Variants in KDM4C observed in about 807,000 individuals in gnomAD.
KDM4C encodes the protein lysine-specific demethylase 4C.
A neutral mutation model predicts 129.3 loss-of-function variants in KDM4C; 81 were observed. The ratio of observed to expected loss-of-function variants is 0.63; its 90% confidence interval spans 0.52 to 0.75. The LOEUF is 0.75. Ranked by LOEUF, KDM4C falls within the 30% of genes least tolerant of loss-of-function variation. The pLI is 0.00. For synonymous variants in KDM4C, 573 were observed against 456.1 expected, an observed-to-expected ratio of 1.26 and a Z score of -3.26; for missense variants, 1,457 against 1,304.0, an observed-to-expected ratio of 1.12 and a Z score of -1.81.
chr9:7,009,760 T>G (rs1251768686), intron 12 of KDM4C, among the ~76,000 whole-genome samples: 1 of 152,238 alleles, frequency 6.6e-6, no homozygotes, highest in Non-Finnish European at 1.5e-5. Context: ...GATCATATTT[T>G]GAGAACTGTG....
chr9:7,085,675 A>C (rs1386356818), intron 17 of KDM4C, among the ~76,000 whole-genome samples: 2 of 151,808 alleles, frequency 1.3e-5, no homozygotes, highest in African/African-American at 4.8e-5. Context: ...TTTATATTTT[A>C]ATTTATTTTT....
chr9:6,884,096 C>G (rs986123930), intron 6 of KDM4C, among the ~76,000 whole-genome samples: 10 of 152,136 alleles, frequency 6.6e-5, no homozygotes, highest in Admixed American at 6.5e-4. Context: ...ATTCTCCATT[C>G]CAGGATCAGT....
At chr9:7,000,480 G>A (rs10975960) in intron 12 of KDM4C, among the ~76,000 whole-genome samples, 2,033 of 152,198 alleles carry the variant, frequency 0.013, 23 homozygotes, top group East Asian at 0.028. Flanking sequence ...GTTCATGTAT[G>A]CCTTGTTATT....
chr9:6,989,806 G>C (rs907241973), intron 11 of KDM4C, among the ~76,000 whole-genome samples: 1 of 152,078 alleles, frequency 6.6e-6, no homozygotes, highest in South Asian at 2.1e-4. Flanking sequence ...ACAGGGTCTT[G>C]CCCTGTCACC....
chr9:6,738,035 G>C (rs1008924151), intron 1 of KDM4C, among the ~76,000 whole-genome samples: 1 of 151,922 alleles, frequency 6.6e-6, no homozygotes, highest in African/African-American at 2.4e-5. Flanking sequence ...TCAGGAGGCT[G>C]GGGCATGAGA....
intron 15 of KDM4C, among the ~76,000 whole-genome samples, chr9:7,022,030 C>G (rs952650099): frequency 1.3e-5 from 2 of 152,076 alleles, no homozygotes; most frequent in Non-Finnish European, 2.9e-5. Context: ...GTTTTTATGC[C>G]ATTACCATGT....
At chr9:6,933,035 C>A (rs898367474) in intron 8 of KDM4C, among the ~76,000 whole-genome samples, 3 of 151,278 alleles carry the variant, frequency 2.0e-5, no homozygotes, top group Non-Finnish European at 4.4e-5. Context: ...GTAGGGAGTT[C>A]ATTTGTACTT....
At chr9:6,946,274 A>G (rs1563861533) in intron 8 of KDM4C, among the ~76,000 whole-genome samples, 2 of 152,096 alleles carry the variant, frequency 1.3e-5, no homozygotes, top group African/African-American at 4.8e-5. Flanking sequence ...TAATATATCA[A>G]TACCATATTT....
At chr9:7,159,233 A>C (rs765422067) in intron 19 of KDM4C, among the ~76,000 whole-genome samples, 5 of 152,148 alleles carry the variant, frequency 3.3e-5, no homozygotes, top group Non-Finnish European at 5.9e-5. Context: ...GTCTCTGCAC[A>C]TGAGCTGGGT....
At chr9:7,151,464 G>C (rs527759675) in intron 19 of KDM4C, among the ~76,000 whole-genome samples, 1 of 152,198 alleles carries the variant, frequency 6.6e-6, no homozygotes, top group African/African-American at 2.4e-5. Context: ...GGCGGAAGTG[G>C]TTGTGCCCAG....
intron 8 of KDM4C, chr9:6,941,467 T>C (rs1740395163): frequency 6.6e-6 from 1 of 152,166 alleles, no homozygotes; most frequent in African/African-American, 2.4e-5. Context: ...TTATCCTAAA[T>C]TAAATGAAAA....
intron 5 of KDM4C, 72 bp downstream of exon 5, chr9:6,849,772 A>G (rs1482508384): frequency 8.0e-7 from 1 of 1,254,704 alleles, no homozygotes; most frequent in East Asian, 2.4e-5. Flanking sequence ...ATTGAAGAGG[A>G]TTTTGTTCTT....
At chr9:6,753,708 G>T (rs1407983325), upstream of KDM4C, among the ~76,000 whole-genome samples, 3 of 152,250 alleles carry the variant, frequency 2.0e-5, no homozygotes, top group East Asian at 5.8e-4. Context: ...AAGAACAAGA[G>T]AGAAGAGGAT....
At chr9:6,743,052 A>G (rs1295971533) in intron 1 of KDM4C, among the ~76,000 whole-genome samples, 1 of 152,216 alleles carries the variant, frequency 6.6e-6, no homozygotes, top group Non-Finnish European at 1.5e-5. Context: ...TAAAAAGGAA[A>G]AAATCAATCA....
chr9:6,722,569 A>T (rs1816990170), intron 1 of KDM4C, among the ~76,000 whole-genome samples: 1 of 151,114 alleles, frequency 6.6e-6, no homozygotes, highest in Non-Finnish European at 1.5e-5. Context: ...GCTGGAGTGC[A>T]ATGGCGCGAT....
intron 17 of KDM4C, among the ~76,000 whole-genome samples, chr9:7,060,799 G>T (rs115081879): frequency 1.9e-4 from 29 of 150,304 alleles, no homozygotes; most frequent in African/African-American, 5.6e-4. Context: ...TTTCTTAAAG[G>T]AGTAGACTTT....
chr9:7,122,883 A>G (rs1291112032), intron 18 of KDM4C, among the ~76,000 whole-genome samples: 1 of 152,184 alleles, frequency 6.6e-6, no homozygotes, highest in African/African-American at 2.4e-5. Context: ...CATTTCTTTA[A>G]TCTGATGGAT....
chr9:7,029,292 C>T (rs1342141781), intron 15 of KDM4C, among the ~76,000 whole-genome samples: 4 of 80,114 alleles, frequency 5.0e-5, no homozygotes, highest in Non-Finnish European at 7.2e-5. Context: ...TTCCCCCCAC[C>T]GTTTTTTTTT....
intron 1 of KDM4C, among the ~76,000 whole-genome samples, chr9:6,760,441 T>A (rs1311438207): frequency 9.0e-6 from 1 of 111,554 alleles, no homozygotes; most frequent in Non-Finnish European, 1.8e-5. Flanking sequence ...TTCTCTACTC[T>A]TGGGTATATA....
Sources: allele counts gnomAD v4.1 joint callset (sites outside exome capture counted in the v4.1 genomes callset), GRCh38; gene constraint gnomAD v4.1.1; transcripts MANE v1.5; gene names NCBI Gene and HGNC (gene_info 2026-07-23, HGNC 2026-07-21).